FMNL2: variants seen among roughly 807,000 people sequenced by gnomAD.
FMNL2 encodes the protein formin-like protein 2.
Under a neutral mutation model 130.2 loss-of-function variants are expected in FMNL2, and 51 were observed. The ratio of observed to expected loss-of-function variants is 0.39; its 90% CI spans 0.31 to 0.49. The LOEUF is 0.49. FMNL2 is among the 20% of genes least tolerant of loss of function. FMNL2 has a pLI of 0.85. For synonymous variants in FMNL2, 465 were observed against 467.1 expected, an observed-to-expected ratio of 1.00 and a Z score of 0.06; for missense variants, 977 against 1,316.2, an observed-to-expected ratio of 0.74 and a Z score of 3.99.
intron 1 of FMNL2, among the ~76,000 whole-genome samples, chr2:152,521,009 A>G (rs773019174): frequency 2.2e-4 from 34 of 152,176 alleles, no homozygotes; most frequent in Non-Finnish European, 2.9e-5. Flanking sequence ...GCCAGGGGAT[A>G]GACAGGATGA....
At chr2:152,341,276 A>G (rs1403855162) in intron 1 of FMNL2, among the ~76,000 whole-genome samples, 1 of 152,202 alleles carries the variant, frequency 6.6e-6, no homozygotes, top group Non-Finnish European at 1.5e-5. Flanking sequence ...GTGGGAATAT[A>G]TGGTTAGGGC....
chr2:152,639,033 CT>C (rs1359144789), intron 23 of FMNL2, among the ~76,000 whole-genome samples: 5 of 123,000 alleles, frequency 4.1e-5, no homozygotes, highest in African/African-American at 1.5e-4. Flanking sequence ...CAGCGTGCTC[CT>C]TCCACCTCAC....
At chr2:152,336,113 AAAACAAAAC>A (rs1681422775) in intron 1 of FMNL2, among the ~76,000 whole-genome samples, 2 of 149,580 alleles carry the variant, frequency 1.3e-5, no homozygotes, top group Non-Finnish European at 3.0e-5. Context: ...AAAACAAAAC[AAAACAAAAC>A]ACCCTGAGCC....
intron 6 of FMNL2, among the ~76,000 whole-genome samples, chr2:152,564,574 A>G (rs1431582832): frequency 6.6e-6 from 1 of 152,042 alleles, no homozygotes; most frequent in Non-Finnish European, 1.5e-5. Context: ...AACAACACCA[A>G]CAACAAAAAC....
At chr2:152,535,786 T>C (rs751108829) in intron 2 of FMNL2, among the ~76,000 whole-genome samples, 41 of 152,220 alleles carry the variant, frequency 2.7e-4, no homozygotes, top group Non-Finnish European at 5.4e-4. Context: ...TAGAATCTCA[T>C]CTGAACTTGC....
intron 1 of FMNL2, among the ~76,000 whole-genome samples, chr2:152,496,039 T>C (rs1691504157): frequency 6.6e-6 from 1 of 152,176 alleles, no homozygotes; most frequent in South Asian, 2.1e-4. Context: ...GAGTACTAGT[T>C]GCTATATAAT....
chr2:152,604,451 A>G (rs1698249841), intron 9 of FMNL2, among the ~76,000 whole-genome samples: 1 of 150,994 alleles, frequency 6.6e-6, no homozygotes, highest in Admixed American at 6.6e-5. Context: ...CTGTTGCCTC[A>G]TTTAGTTTAG....
intron 9 of FMNL2, among the ~76,000 whole-genome samples, chr2:152,603,707 C>A (rs531301319): frequency 1.4e-3 from 217 of 150,918 alleles, no homozygotes; most frequent in African/African-American, 5.1e-3. Context: ...TTTCTAAGAC[C>A]CAACATGCAC....
intron 1 of FMNL2, among the ~76,000 whole-genome samples, chr2:152,420,731 A>C (rs982006451): frequency 3.3e-5 from 5 of 152,158 alleles, no homozygotes; most frequent in Non-Finnish European, 5.9e-5. Context: ...GAGAAAAGTG[A>C]TTTGAATGGA....
intron 1 of FMNL2, among the ~76,000 whole-genome samples, chr2:152,380,379 T>A (rs1458725161): frequency 6.6e-6 from 1 of 152,244 alleles, no homozygotes; most frequent in Non-Finnish European, 1.5e-5. Context: ...TTCAAATGAT[T>A]TATCTCTTTC....
intron 1 of FMNL2, among the ~76,000 whole-genome samples, chr2:152,433,139 A>G (rs1687584840): frequency 6.6e-6 from 1 of 152,204 alleles, no homozygotes; most frequent in African/African-American, 2.4e-5. Flanking sequence ...ATATCACAAG[A>G]GCACATTCTT....
chr2:152,644,553 T>C (rs1040006401), intron 25 of FMNL2, among the ~76,000 whole-genome samples: 2 of 152,224 alleles, frequency 1.3e-5, no homozygotes, highest in African/African-American at 4.8e-5. Context: ...CCTACTTTAG[T>C]AGGCCACCTC....
intron 6 of FMNL2, among the ~76,000 whole-genome samples, chr2:152,564,776 G>GTT (rs56378937): frequency 0.19 from 14,983 of 79,032 alleles, 1,662 homozygotes; most frequent in South Asian, 0.24. Flanking sequence ...TACAAGGTTG[G>GTT]TTTTTTTTTT....
At chr2:152,343,605 C>T (rs1022432182) in intron 1 of FMNL2, among the ~76,000 whole-genome samples, 1 of 152,076 alleles carries the variant, frequency 6.6e-6, no homozygotes, top group East Asian at 1.9e-4. Context: ...TTAAATAGTT[C>T]ACATTTTTGA....
chr2:152,436,490 C>T (rs1411762209), intron 1 of FMNL2, among the ~76,000 whole-genome samples: 2 of 152,184 alleles, frequency 1.3e-5, no homozygotes, highest in Non-Finnish European at 2.9e-5. Context: ...TCTACTATAA[C>T]ACATCTCAAA....
chr2:152,552,664 T>C (rs1316748944), intron 4 of FMNL2, among the ~76,000 whole-genome samples: 1 of 152,222 alleles, frequency 6.6e-6, no homozygotes, highest in Non-Finnish European at 1.5e-5. Flanking sequence ...CACTTACTCT[T>C]AGGAACTATA....
At chr2:152,490,269 A>G (rs1008565510) in intron 1 of FMNL2, among the ~76,000 whole-genome samples, 2 of 147,420 alleles carry the variant, frequency 1.4e-5, no homozygotes, top group African/African-American at 5.0e-5. Context: ...AAGGTGTGAG[A>G]GTGGTTGGGG....
At chr2:152,635,353 A>C (rs1337877586) in intron 21 of FMNL2, among the ~76,000 whole-genome samples, 2 of 152,160 alleles carry the variant, frequency 1.3e-5, no homozygotes, top group Non-Finnish European at 1.5e-5. Flanking sequence ...CACCAAATGC[A>C]TTGCCAAATG....
intron 1 of FMNL2, among the ~76,000 whole-genome samples, chr2:152,453,355 A>G (rs112168105): frequency 0.021 from 3,156 of 152,222 alleles, 47 homozygotes; most frequent in South Asian, 0.028. Flanking sequence ...CCCTTTGCGT[A>G]TATATTTAAA....
Sources: allele counts gnomAD v4.1 joint callset (sites outside exome capture counted in the v4.1 genomes callset), GRCh38; gene constraint gnomAD v4.1.1; transcripts MANE v1.5; gene names NCBI Gene and HGNC (gene_info 2026-07-23, HGNC 2026-07-21).